Variants in ARIH1 observed in about 807,000 individuals in gnomAD.
The protein encoded by ARIH1 is ariadne RBR E3 ubiquitin protein ligase 1, also known as E3 ubiquitin-protein ligase ARIH1.
ARIH1 carries 8 observed loss-of-function variants against 85.0 expected under a neutral mutation model. The ratio of observed to expected loss-of-function variants is 0.09; its 90% CI spans 0.06 to 0.17. ARIH1 has a LOEUF of 0.17. ARIH1 is among the 10% of genes least tolerant of loss of function. The probability of loss-of-function intolerance (pLI) is 1.00; values close to 1 mark genes in which losing one functional copy is unlikely to be tolerated. For synonymous variants in ARIH1, 238 were observed against 253.6 expected, an observed-to-expected ratio of 0.94 and a Z score of 0.59; for missense variants, 311 against 718.1, an observed-to-expected ratio of 0.43 and a Z score of 6.48.
intron 1 of ARIH1, among the ~76,000 whole-genome samples, chr15:72,483,119 C>G (rs1342743241): frequency 6.6e-6 from 1 of 152,126 alleles, no homozygotes; most frequent in East Asian, 1.9e-4. Context: ...GCCTTAGCCT[C>G]CTAAAGTGCT....
intron 1 of ARIH1, among the ~76,000 whole-genome samples, chr15:72,488,217 A>G (rs1405017052): frequency 6.6e-6 from 1 of 151,598 alleles, no homozygotes; most frequent in Non-Finnish European, 1.5e-5. Context: ...TTGTATTATT[A>G]TTTTTATTTA....
chr15:72,518,051 T>C lies in ARIH1; in HGVS notation c.376-16T>C, dbSNP rs886954102. On this transcript the variant is annotated splice_polypyrimidine_tract_variant and intron_variant, in intron 1 of 13. Transcript: ENST00000379887. ...GCTATTACCTTAAAATGACTTTTTTTCCCCTCCTTCTTTAGAATCCAGCAA... is the reference window on the plus strand; with the variant it reads ...GCTATTACCTTAAAATGACTTTTTTCCCCCTCCTTCTTTAGAATCCAGCAA... The C allele has an allele frequency of 3.0e-5, 48 of 1,597,508 alleles. No individual in the cohort carries two copies. The highest frequency in any genetic ancestry group is 1.7e-4 in the Middle Eastern group (1 of 6,016).
chr15:72,490,399 G>A (rs77191302), intron 1 of ARIH1, among the ~76,000 whole-genome samples: 4,560 of 152,210 alleles, frequency 0.03, 113 homozygotes, highest in East Asian at 0.11. Flanking sequence ...GCTCTGCCTC[G>A]TGTCAGATTG....
rs1477796553 is a variant in ARIH1 at position 72,474,665 on chromosome 15, A to G, written c.26A>G (p.Tyr9Cys). ...ATGGACTCGGACGAGGGCTACAACT[A>G]CGAGTTCGACGAGGACGAGGAGTGC... is the stretch of plus-strand genomic sequence containing the variant. MDSDEGYN[Y>C]EFDEDEECSE... The change falls in exon 1 of 14, where the codon TAC becomes TGC. Residue 9 changes from tyrosine (Y) to cysteine (C), a missense_variant. Coordinates refer to ENST00000379887, the MANE Select transcript of ARIH1 (RefSeq NM_005744.5). 6.4e-7 allele frequency: 1 copy of G among 1,555,556 alleles called. No homozygotes were observed. The highest frequency in any genetic ancestry group is 8.7e-7 in the Non-Finnish European group (1 of 1,152,508).
intron 1 of ARIH1, among the ~76,000 whole-genome samples, chr15:72,498,795 G>A (rs1245635687): frequency 6.0e-5 from 9 of 151,210 alleles, no homozygotes; most frequent in Admixed American, 4.6e-4. Flanking sequence ...AGCCAAGATC[G>A]TGCCACTGCA....
chr15:72,587,509 A>G lies in ARIH1; in HGVS notation c.*4217A>G, dbSNP rs1321488521. The stretch of plus-strand genomic sequence containing the variant: ...GGTTTAGTTATTCAAATGAATTTCC[A>G]TTGTAAAGAATTTTGGATAGTCTGC... On this transcript the variant is annotated 3_prime_UTR_variant, in exon 14 of 14. Coordinates refer to ENST00000379887, the MANE Select transcript of ARIH1 (RefSeq NM_005744.5). The G allele has an allele frequency of 7.7e-6, 2 of 260,986 alleles. No homozygotes were observed. The highest frequency in any genetic ancestry group is 5.5e-5 in the Admixed American group (1 of 18,222). The allele number at this position is 260,986 out of a possible 1,614,324, so 16.2% of individuals were successfully genotyped here. A position where few individuals can be genotyped will look rare whatever the true frequency, so the allele number is the denominator to read the frequency against.
rs753700674 is a variant in ARIH1, at chr15:72,474,870, C to T, written c.231C>T (p.Gly77=). The change falls in exon 1 of 14, where the codon GGC becomes GGT. Residue 77 remains glycine, a synonymous_variant. Transcript: ENST00000379887. ...GCGGCGGCAGCGCTCTGGGGCCCGG[C>T]GGTGGCGGCGGCGGCGGCGGCGGCG... ...GGGGGSALGP[G]GGGGGGGGGG... 1,008 of 1,413,414 alleles carry T rather than the reference C, an allele frequency of 7.1e-4. 1 individual carries two copies. Among genetic ancestry groups the T allele is most frequent in the Non-Finnish European group, 8.5e-4 (914 of 1,077,140 alleles). 87.6% of individuals were successfully genotyped at this position (1,413,414 alleles called of 1,614,324 possible).
rs572131916 is a variant in ARIH1 at position 72,590,798 on chromosome 15, T to C, written c.*7506T>C. The C allele has an allele frequency of 4.6e-5, 7 of 152,298 alleles. No homozygotes were observed. Among genetic ancestry groups the C allele is most frequent in the African/African-American group, 1.4e-4 (6 of 41,552 alleles). The allele number at this position is 152,298 out of a possible 1,614,324, so 9.4% of individuals were successfully genotyped here. A position where few individuals can be genotyped will look rare whatever the true frequency, so the allele number is the denominator to read the frequency against. On this transcript the variant is annotated 3_prime_UTR_variant, in exon 14 of 14. Transcript: ENST00000379887. ...TTCCTCAGCAACAATTTATGTCTTATTTGGCACCTGTAAAACCCTCTTCAC... is the reference window on the plus strand; with the variant it reads ...TTCCTCAGCAACAATTTATGTCTTACTTGGCACCTGTAAAACCCTCTTCAC...
At chr15:72,546,408 A>C (rs76181845) in intron 3 of ARIH1, among the ~76,000 whole-genome samples, 1 of 152,164 alleles carries the variant, frequency 6.6e-6, no homozygotes, top group Non-Finnish European at 1.5e-5. Context: ...TGAATTTTCA[A>C]ATTCTCAAGT....
chr15:72,527,294 A>C (rs899970264), intron 2 of ARIH1, among the ~76,000 whole-genome samples: 1 of 152,230 alleles, frequency 6.6e-6, no homozygotes, highest in African/African-American at 2.4e-5. Flanking sequence ...ATCACTGCTG[A>C]TAACATCAAT....
At chr15:72,552,413 GA>G (rs1379336670) in intron 3 of ARIH1, among the ~76,000 whole-genome samples, 1 of 151,882 alleles carries the variant, frequency 6.6e-6, no homozygotes, top group Admixed American at 6.6e-5. Context: ...TCAGTCTCCT[GA>G]GTAGCTGGGA....
In ARIH1 at chr15:72,589,377, T is replaced by C. The variant is rs1028250582; in HGVS notation, c.*6085T>C. 4.6e-5 allele frequency: 7 copies of C among 152,210 alleles called. No individual in the cohort carries two copies. Among genetic ancestry groups the C allele is most frequent in the Admixed American group, 1.3e-4 (2 of 15,282 alleles). 9.4% of individuals were successfully genotyped at this position (152,210 alleles called of 1,614,324 possible). A position where few individuals can be genotyped will look rare whatever the true frequency, so the allele number is the denominator to read the frequency against. On this transcript the variant is annotated 3_prime_UTR_variant, in exon 14 of 14. Coordinates refer to ENST00000379887, the MANE Select transcript of ARIH1 (RefSeq NM_005744.5). The stretch of plus-strand genomic sequence containing the variant: ...CAATAATAAGCACACCAGTGCTAAC[T>C]TGGGCAAAAGATAAGGATACAGAGC...
intron 1 of ARIH1, among the ~76,000 whole-genome samples, chr15:72,512,328 A>G (rs1182764313): frequency 6.6e-6 from 1 of 152,020 alleles, no homozygotes; most frequent in Non-Finnish European, 1.5e-5. Context: ...TAATAGATAT[A>G]GGATCATTCG....
chr15:72,485,475 A>G (rs917844869), intron 1 of ARIH1, among the ~76,000 whole-genome samples: 2 of 152,144 alleles, frequency 1.3e-5, no homozygotes, highest in Non-Finnish European at 2.9e-5. Flanking sequence ...CTACAAATAA[A>G]TAACAGTGAG....
In ARIH1 at chr15:72,587,198, T is replaced by C. The variant is rs2064320794; in HGVS notation, c.*3906T>C. 1.9e-6 allele frequency: 1 copy of C among 515,994 alleles called. No individual in the cohort carries two copies. The highest frequency in any genetic ancestry group is 4.0e-6 in the Non-Finnish European group (1 of 250,224). The allele number at this position is 515,994 out of a possible 1,614,324, so 32.0% of individuals were successfully genotyped here. On this transcript the variant is annotated 3_prime_UTR_variant, in exon 14 of 14. Transcript: ENST00000379887. ...TGAGGTTAAATAACTCCCTCAATTT[T>C]TCATTTCCTTCTACCTGAAACTTAA...
intron 1 of ARIH1, among the ~76,000 whole-genome samples, chr15:72,500,648 A>T (rs983245401): frequency 6.6e-6 from 1 of 152,264 alleles, no homozygotes; most frequent in Non-Finnish European, 1.5e-5. Context: ...TGGAAGAAAG[A>T]TTGAGAGGTG....
At chr15:72,576,041 T>G (rs113616494) in intron 11 of ARIH1, among the ~76,000 whole-genome samples, 105 of 152,246 alleles carry the variant, frequency 6.9e-4, no homozygotes, top group African/African-American at 2.4e-3. Flanking sequence ...TTGAAGTGTT[T>G]CGTTGTATAA....
intron 2 of ARIH1, among the ~76,000 whole-genome samples, chr15:72,543,657 C>T (rs1375078154): frequency 1.3e-5 from 2 of 151,998 alleles, no homozygotes; most frequent in Non-Finnish European, 2.9e-5. Context: ...GACACAAAGC[C>T]TAAACAAGAC....
At chr15:72,539,890 A>T (rs2064098822) in intron 2 of ARIH1, among the ~76,000 whole-genome samples, 1 of 152,216 alleles carries the variant, frequency 6.6e-6, no homozygotes, top group Non-Finnish European at 1.5e-5. Context: ...CATTAGAATT[A>T]TGTCTAAGTA....
Sources: allele counts gnomAD v4.1 joint callset (sites outside exome capture counted in the v4.1 genomes callset), GRCh38; gene constraint gnomAD v4.1.1; transcripts MANE v1.5; gene names NCBI Gene and HGNC (gene_info 2026-07-23, HGNC 2026-07-21).